Variants in SDK1 observed in about 807,000 individuals in gnomAD.
SDK1 encodes the protein protein sidekick-1.
In SDK1, 157 loss-of-function variants were observed where a neutral mutation model predicts 245.5. That is an observed-to-expected ratio of 0.64 (90% confidence interval 0.56 to 0.73). The LOEUF is 0.73. Among genes scored for constraint, SDK1 ranks in the 30% least tolerant of loss-of-function variants. The probability of loss-of-function intolerance (pLI) is 0.00; values close to 1 mark genes in which losing one functional copy is unlikely to be tolerated. For missense variants in SDK1, 3,583 were observed against 3,002.3 expected (o/e 1.19, Z -4.52); for synonymous variants, 1,647 against 1,278.5 (o/e 1.29, Z -6.15).
In SDK1 at chr7:3,903,891, A is replaced by C. The variant is rs554677811; in HGVS notation, c.848-47032A>C. Among the ~76,000 whole-genome samples the C allele has an allele frequency of 3.9e-5, 6 of 152,220 alleles. No individual in the cohort carries two copies. In the South Asian group the frequency reaches 1.2e-3, roughly 32 times the overall value. ...GGTTCCTGAGAGAGCTGGTTGTTAAAAAAGAGCCTTGCACCTCCTAGACTC... is the reference window on the plus strand; with the variant it reads ...GGTTCCTGAGAGAGCTGGTTGTTAACAAAGAGCCTTGCACCTCCTAGACTC... On this transcript the variant is annotated intron_variant, in intron 5 of 44. Coordinates refer to ENST00000404826, the MANE Select transcript of SDK1 (RefSeq NM_152744.4).
At chr7:3,724,433 A>G (rs1333678964) in intron 4 of SDK1, among the ~76,000 whole-genome samples, 2 of 152,100 alleles carry the variant, frequency 1.3e-5, no homozygotes, top group Non-Finnish European at 2.9e-5. Context: ...AATAAAATAA[A>G]TAGTTGTTAT....
In SDK1 at chr7:3,927,050, C is replaced by T. The variant is rs1012387930; in HGVS notation, c.848-23873C>T. Among the ~76,000 whole-genome samples, 2 of 152,154 alleles carry T rather than the reference C, an allele frequency of 1.3e-5. 1 individual carries two copies. The highest frequency in any genetic ancestry group is 4.8e-5 in the African/African-American group (2 of 41,430). On this transcript the variant is annotated intron_variant, in intron 5 of 44. Coordinates refer to ENST00000404826, the MANE Select transcript of SDK1 (RefSeq NM_152744.4). ...CACAGAGGAATTCCTGAACTGTCCA[C>T]CAGTGGGGTTCCGTTATTTCCTGTG...
chr7:3,946,971 C>T (rs1780602230), intron 5 of SDK1, among the ~76,000 whole-genome samples: 1 of 152,254 alleles, frequency 6.6e-6, no homozygotes, highest in African/African-American at 2.4e-5. Context: ...CGTGTCTTAA[C>T]AATATGTGTC....
At chr7:3,743,042 T>C (rs1779520407) in intron 4 of SDK1, among the ~76,000 whole-genome samples, 1 of 152,192 alleles carries the variant, frequency 6.6e-6, no homozygotes, top group Admixed American at 6.5e-5. Context: ...ATGAATTTGA[T>C]TGTACGGAAC....
At chr7:4,073,181 G>A (rs779163943) in intron 20 of SDK1, among the ~76,000 whole-genome samples, 1 of 152,122 alleles carries the variant, frequency 6.6e-6, no homozygotes, top group Non-Finnish European at 1.5e-5. Context: ...TCTCTCCTCT[G>A]GGAGCTGGAA....
chr7:3,412,133 G>C (rs1435020484), intron 1 of SDK1, among the ~76,000 whole-genome samples: 1 of 152,120 alleles, frequency 6.6e-6, no homozygotes, highest in African/African-American at 2.4e-5. Flanking sequence ...CAGAAGTAGA[G>C]CTAGATTTAG....
At position 3,822,561 on chromosome 7, in the gene SDK1, A is replaced by C. The variant is rs1583450420; in HGVS notation, c.847+978A>C. Among the ~76,000 whole-genome samples, 3 of 152,134 alleles carry C rather than the reference A, an allele frequency of 2.0e-5. No homozygotes were observed. The South Asian group carries it at 6.2e-4, about 32-fold the overall frequency. On this transcript the variant is annotated intron_variant, in intron 5 of 44. Transcript: ENST00000404826. ...AAGGCAGGCATATTACTTGAGGTCA[A>C]GAGTTCGAGACCAGCCTGGTCAACA...
At position 3,652,877 on chromosome 7, in the gene SDK1, C is replaced by T. The variant is rs117934031; in HGVS notation, c.713+10772C>T. On this transcript the variant is annotated intron_variant, in intron 4 of 44. Transcript: ENST00000404826. The stretch of plus-strand genomic sequence containing the variant: ...GGGAGTGATGAGTCTCGATTGTCTC[C>T]GAGCTTTATAAGAGAGGAGGTGAAG... 7.6e-3 allele frequency among the ~76,000 whole-genome samples: 1,155 copies of T among 152,140 alleles called. 5 individuals carry two copies. The highest frequency in any genetic ancestry group is 8.5e-3 in the Non-Finnish European group (578 of 67,984).
chr7:3,408,204 A>AT lies in SDK1; in HGVS notation c.298+106330dup, dbSNP rs985682979. Among the ~76,000 whole-genome samples, 438 of 149,200 alleles carry AT rather than the reference A, an allele frequency of 2.9e-3. 4 individuals carry two copies. The highest frequency in any genetic ancestry group is 9.3e-3 in the African/African-American group (377 of 40,694). ...AGATATGTGCCACCATGCCTGGCCA[A>AT]TTTTTTTTTTCATAATTTTAGTAGA... On this transcript the variant is annotated intron_variant, in intron 1 of 44. Coordinates refer to ENST00000404826, the MANE Select transcript of SDK1 (RefSeq NM_152744.4).
chr7:3,588,064 G>A (rs1373684733), intron 1 of SDK1, among the ~76,000 whole-genome samples: 1 of 152,164 alleles, frequency 6.6e-6, no homozygotes, highest in Non-Finnish European at 1.5e-5. Flanking sequence ...AGCATTTCAA[G>A]GAATCCTAGG....
At position 4,012,187 on chromosome 7, in the gene SDK1, C is replaced by T. The variant is rs754468024; in HGVS notation, c.2372C>T (p.Pro791Leu). The change falls in exon 16 of 45, where the codon CCA becomes CTA. Residue 791 changes from proline to leucine, a missense_variant. Transcript: ENST00000404826. ...CAGTCCATTATGGTCCAGTGGCAGC[C>T]ACCCCCAGAAACAGAGCACAACGGG... ...TNQSIMVQWQ[P>L]PPETEHNGVL... 20 of 1,572,708 alleles carry T rather than the reference C, an allele frequency of 1.3e-5. No homozygotes were observed. Among genetic ancestry groups the T allele is most frequent in the Admixed American group, 7.4e-5 (4 of 53,922 alleles).
intron 6 of SDK1, 71 bp from the exon 7 acceptor site, chr7:3,951,659 T>A: frequency 7.2e-7 from 1 of 1,395,302 alleles, no homozygotes; most frequent in Non-Finnish European, 1.0e-6. Context: ...CTGTGCCGAG[T>A]GCCTGAGATG....
chr7:3,551,263 G>C (rs1416457216), intron 1 of SDK1, among the ~76,000 whole-genome samples: 5 of 152,136 alleles, frequency 3.3e-5, no homozygotes, highest in Admixed American at 3.3e-4. Flanking sequence ...TAATGTGTCA[G>C]CACCTCATGG....
intron 1 of SDK1, among the ~76,000 whole-genome samples, chr7:3,478,955 T>C (rs1458457419): frequency 6.6e-6 from 1 of 152,232 alleles, no homozygotes; most frequent in Non-Finnish European, 1.5e-5. Flanking sequence ...GAAATGTGTT[T>C]TTATGTGAAA....
chr7:3,463,917 T>C (rs1487815640), intron 1 of SDK1, among the ~76,000 whole-genome samples: 1 of 152,232 alleles, frequency 6.6e-6, no homozygotes, highest in Non-Finnish European at 1.5e-5. Flanking sequence ...TTGTTCTGCC[T>C]TAGGCATGTG....
At chr7:3,923,953 T>A (rs1019596004) in intron 5 of SDK1, among the ~76,000 whole-genome samples, 1 of 152,186 alleles carries the variant, frequency 6.6e-6, no homozygotes, top group Admixed American at 6.5e-5. Flanking sequence ...CTGCAGGAGC[T>A]CCAGTGTGGG....
chr7:4,256,367 C>A (rs765991088), intron 44 of SDK1, among the ~76,000 whole-genome samples: 1 of 152,148 alleles, frequency 6.6e-6, no homozygotes, highest in Admixed American at 6.5e-5. Context: ...TCAGAGGGGA[C>A]TGGGAAGAAA....
In SDK1 at chr7:4,195,279, C is replaced by T. The variant is rs565247958; in HGVS notation, c.5099-10600C>T. On this transcript the variant is annotated intron_variant, in intron 35 of 44. Transcript: ENST00000404826. ...CGTGATTTCTTATAGTCACGCGATG[C>T]GCTGCTTGTTGCAGAGTCCAGTGGG... 4.6e-5 allele frequency among the ~76,000 whole-genome samples: 7 copies of T among 152,316 alleles called. No homozygotes were observed. In the East Asian group the frequency reaches 1.2e-3, roughly 25 times the overall value.
chr7:3,371,724 C>T lies in SDK1; in HGVS notation c.298+69840C>T, dbSNP rs544126195. Among the ~76,000 whole-genome samples, 4 of 152,208 alleles carry T rather than the reference C, an allele frequency of 2.6e-5. No homozygotes were observed. In the East Asian group the frequency reaches 7.7e-4, roughly 29 times the overall value. ...AAAGTGGGTAAATACGAAAGGTAGA[C>T]GTGGAGGACAGATAATGGATCCTTC... is the stretch of plus-strand genomic sequence containing the variant. On this transcript the variant is annotated intron_variant, in intron 1 of 44. Transcript: ENST00000404826.
Sources: gnomAD v4.1 joint callset for allele counts (sites outside exome capture counted in the v4.1 genomes callset) on GRCh38, gnomAD v4.1.1 for gene constraint, MANE v1.5 for transcripts, NCBI Gene and HGNC (gene_info 2026-07-23, HGNC 2026-07-21) for gene names.